The following PRKN variants were observed in gnomAD, a reference collection of about 807,000 sequenced individuals.
The protein encoded by PRKN is parkin RBR E3 ubiquitin protein ligase, also known as E3 ubiquitin-protein ligase parkin.
A neutral mutation model predicts 59.5 loss-of-function variants in PRKN; 56 were observed. The ratio of observed to expected loss-of-function variants is 0.94; its 90% CI spans 0.76 to 1.18. The LOEUF (loss-of-function observed/expected upper bound fraction) is 1.18. PRKN is among the 50% of genes most tolerant of loss of function. PRKN has a pLI of 0.00. For synonymous variants in PRKN, 250 were observed against 222.1 expected, an observed-to-expected ratio of 1.13 and a Z score of -1.12; for missense variants, 657 against 596.4, an observed-to-expected ratio of 1.10 and a Z score of -1.06.
intron 7 of PRKN, among the ~76,000 whole-genome samples, chr6:161,604,413 C>A (rs1431202217): frequency 6.6e-6 from 1 of 152,184 alleles, no homozygotes; most frequent in Non-Finnish European, 1.5e-5. Context: ...AAGCCTCCAC[C>A]ATGGTGATAT....
chr6:162,117,891 G>A (rs1780741551), intron 4 of PRKN, among the ~76,000 whole-genome samples: 1 of 152,060 alleles, frequency 6.6e-6, no homozygotes. Context: ...GAGGTCAGGA[G>A]TTCAGGACCA....
intron 6 of PRKN, among the ~76,000 whole-genome samples, chr6:161,931,675 A>T (rs776240712): frequency 6.6e-6 from 1 of 152,224 alleles, no homozygotes. Context: ...ATGAGAACAA[A>T]CACCATTCTG....
intron 9 of PRKN, among the ~76,000 whole-genome samples, chr6:161,421,466 G>C (rs750238522): frequency 6.6e-6 from 1 of 152,166 alleles, no homozygotes; most frequent in Non-Finnish European, 1.5e-5. Flanking sequence ...AATCACATTT[G>C]ATCTTCACTA....
chr6:161,585,457 A>G (rs1451069755), intron 7 of PRKN, among the ~76,000 whole-genome samples: 2 of 152,240 alleles, frequency 1.3e-5, no homozygotes, highest in Non-Finnish European at 2.9e-5. Flanking sequence ...TTTTGCAGAT[A>G]GATATGTCAT....
At chr6:162,198,849 T>A (rs1455742576) in intron 4 of PRKN, among the ~76,000 whole-genome samples, 1 of 152,150 alleles carries the variant, frequency 6.6e-6, no homozygotes, top group African/African-American at 2.4e-5. Flanking sequence ...ACTATTAATG[T>A]ACCATTTAGT....
intron 1 of PRKN, among the ~76,000 whole-genome samples, chr6:162,461,782 C>T (rs986049670): frequency 4.0e-5 from 6 of 149,898 alleles, no homozygotes; most frequent in African/African-American, 9.8e-5. Context: ...GCCAAGATCA[C>T]GCCACTGCAC....
chr6:161,434,058 T>C (rs1309097215), intron 9 of PRKN, among the ~76,000 whole-genome samples: 1 of 152,070 alleles, frequency 6.6e-6, no homozygotes, highest in Non-Finnish European at 1.5e-5. Context: ...GGAGTTTCAC[T>C]TTTTGCTACT....
chr6:161,890,453 G>A (rs1259746600), intron 6 of PRKN, among the ~76,000 whole-genome samples: 1 of 152,184 alleles, frequency 6.6e-6, no homozygotes, highest in African/African-American at 2.4e-5. Flanking sequence ...GGAGACGAGA[G>A]CAAAAGGATG....
intron 10 of PRKN, among the ~76,000 whole-genome samples, chr6:161,383,044 T>C (rs1786064683): frequency 6.6e-6 from 1 of 152,178 alleles, no homozygotes; most frequent in Admixed American, 6.5e-5. Flanking sequence ...ATTAGCAAAA[T>C]TCAGATGTGA....
chr6:162,330,786 G>A (rs1783536833), intron 2 of PRKN, among the ~76,000 whole-genome samples: 1 of 152,184 alleles, frequency 6.6e-6, no homozygotes, highest in African/African-American at 2.4e-5. Flanking sequence ...GTGTGAAAGT[G>A]CCAGCTGCTT....
At position 161,766,314 on chromosome 6, in the gene PRKN, A is replaced by ATTTTTTTTTTTTTTTTTTTTTT. The variant is rs758294050; in HGVS notation, c.871+19457_871+19458insAAAAAAAAAAAAAAAAAAAAAA. 1.9e-3 allele frequency among the ~76,000 whole-genome samples: 271 copies of ATTTTTTTTTTTTTTTTTTTTTT among 139,570 alleles called. 9 individuals are homozygous for ATTTTTTTTTTTTTTTTTTTTTT. The highest frequency in any genetic ancestry group is 6.9e-3 in the African/African-American group (258 of 37,262). 91.6% of individuals were successfully genotyped at this position (139,570 alleles called of 152,430 possible). A position where few individuals can be genotyped will look rare whatever the true frequency, so the allele number is the denominator to read the frequency against. On this transcript the variant is annotated intron_variant, in intron 7 of 11. Coordinates refer to ENST00000366898, the MANE Select transcript of PRKN (RefSeq NM_004562.3). ...ACTTATGCCTGCTGTCATTGACCAC[A>ATTTTTTTTTTTTTTTTTTTTTT]TTTTTTTTTTTTTAGACAGAGTCTC...
At chr6:162,248,595 C>T (rs985401833) in intron 3 of PRKN, among the ~76,000 whole-genome samples, 12 of 152,110 alleles carry the variant, frequency 7.9e-5, no homozygotes, top group Admixed American at 7.9e-4. Context: ...GGCGTTAGAG[C>T]TGACATCAGC....
In PRKN at chr6:162,437,101, A is replaced by AAT. The variant is rs570314569; in HGVS notation, c.171+6208_171+6209insAT. 6.0e-4 allele frequency among the ~76,000 whole-genome samples: 81 copies of AAT among 135,292 alleles called. 3 individuals are homozygous for AAT. The South Asian group carries it at 0.018, about 30-fold the overall frequency. 88.8% of individuals were successfully genotyped at this position (135,292 alleles called of 152,430 possible). On this transcript the variant is annotated intron_variant, in intron 2 of 11. Coordinates refer to ENST00000366898, the MANE Select transcript of PRKN (RefSeq NM_004562.3). ...AGCGAGACTCTGTCTCAAAAAAAAT[A>AAT]AATAAATAAATAAAAAAAGGCTTCA...
At chr6:162,339,949 T>A (rs1339036599) in intron 2 of PRKN, among the ~76,000 whole-genome samples, 1 of 148,422 alleles carries the variant, frequency 6.7e-6, no homozygotes, top group Non-Finnish European at 1.5e-5. Context: ...GCATGCTCGT[T>A]AAGAGTCATC....
At chr6:161,656,298 T>C (rs2128163827) in intron 7 of PRKN, among the ~76,000 whole-genome samples, 1 of 152,282 alleles carries the variant, frequency 6.6e-6, no homozygotes. Flanking sequence ...CTGCCATCCA[T>C]CCGCGCCTCT....
intron 1 of PRKN, among the ~76,000 whole-genome samples, chr6:162,575,038 T>A (rs943732867): frequency 5.3e-5 from 8 of 152,194 alleles, no homozygotes; most frequent in Non-Finnish European, 1.2e-4. Context: ...TCTTTCACCA[T>A]ACATAACATT....
At chr6:161,569,811 C>T (rs889254358) in intron 7 of PRKN, among the ~76,000 whole-genome samples, 2 of 152,146 alleles carry the variant, frequency 1.3e-5, no homozygotes, top group African/African-American at 4.8e-5. Flanking sequence ...ACTTATTCAT[C>T]ATGTCCTGTT....
intron 6 of PRKN, among the ~76,000 whole-genome samples, chr6:161,932,969 A>G (rs1349002348): frequency 2.6e-5 from 4 of 152,344 alleles, no homozygotes; most frequent in Admixed American, 2.6e-4. Context: ...TATAAGTATC[A>G]ATATTTGATG....
chr6:161,498,368 T>C lies in PRKN; in HGVS notation c.1083+50486A>G, dbSNP rs1777830465. Among the ~76,000 whole-genome samples the C allele has an allele frequency of 6.6e-6, 1 of 152,116 alleles. No homozygotes were observed. The highest frequency in any genetic ancestry group is 2.1e-4 in the South Asian group (1 of 4,830). On this transcript the variant is annotated intron_variant, in intron 9 of 11. Transcript: ENST00000366898. This position sits in a 1 kb window ranked among gnomAD's most constrained non-coding sequence, Gnocchi z 4.2. ...ATTATAATTCCTATTCCTCAGTAAA[T>C]AAAAGCTCACTCTCTGGTTTGGAAT... is the stretch of plus-strand genomic sequence containing the variant.
Sources: gnomAD v4.1 joint callset for allele counts (sites outside exome capture counted in the v4.1 genomes callset) on GRCh38, gnomAD v4.1.1 for gene constraint, Gnocchi (gnomAD v3.1) non-coding constraint, MANE v1.5 for transcripts, NCBI Gene and HGNC (gene_info 2026-07-23, HGNC 2026-07-21) for gene names.